The following ACCSL variants were observed in gnomAD, a reference collection of about 807,000 sequenced individuals.
The protein encoded by ACCSL is 1-aminocyclopropane-1-carboxylate synthase homolog (inactive) like.
ACCSL carries 55 observed loss-of-function variants against 61.7 expected under a neutral mutation model. That is an observed-to-expected ratio of 0.89 (90% confidence interval 0.72 to 1.12). The LOEUF is 1.12. Ranked by LOEUF, ACCSL falls within the 50% of genes most tolerant of loss-of-function variation. ACCSL has a pLI of 0.00. For missense variants in ACCSL, 632 were observed against 698.0 expected, an observed-to-expected ratio of 0.91 and a Z score of 1.07; for synonymous variants, 258 against 264.3, an observed-to-expected ratio of 0.98 and a Z score of 0.23.
the ACCSL span, among the ~76,000 whole-genome samples, chr11:43,940,649 C>G: frequency 6.6e-6 from 1 of 152,100 alleles, no homozygotes; most frequent in Non-Finnish European, 1.5e-5. Flanking sequence ...CGTGAGCCAC[C>G]GCACCCGGCT....
At chr11:43,996,465 G>A in the ACCSL span, among the ~76,000 whole-genome samples, 1 of 152,188 alleles carries the variant, frequency 6.6e-6, no homozygotes, top group Admixed American at 6.5e-5. Context: ...ATGGAGGAAA[G>A]TGGACAGACA....
chr11:44,055,102 G>T, intron 8 of ACCSL, 100 bp from the exon 9 acceptor site: 2 of 832,678 alleles, frequency 2.4e-6, no homozygotes, highest in Non-Finnish European at 3.8e-6. Context: ...CACCATAAAA[G>T]ACATGACTTA....
At position 44,058,577 on chromosome 11, in the gene ACCSL, G is replaced by T; in HGVS notation, c.1502G>T (p.Arg501Leu). The T allele has an allele frequency of 6.2e-7, 1 of 1,614,000 alleles. No individual in the cohort carries two copies. The highest frequency in any genetic ancestry group is 8.5e-7 in the Non-Finnish European group (1 of 1,179,976). Residue 501 changes from arginine (R) to leucine (L), a missense_variant, in exon 13 of 14, where the codon CGG becomes CTG. Transcript: ENST00000378832. Reference sequence around the variant, plus strand: ...GATCCCTGTACATTTGAAGAAGAACGGCTCCTCTATTGCCGCTTCCTGGAC... The same window carrying T: ...GATCCCTGTACATTTGAAGAAGAACTGCTCCTCTATTGCCGCTTCCTGGAC... ...YLDPCTFEEE[R>L]LLYCRFLDNK... is the part of the protein sequence containing the mutation.
chr11:43,975,670 A>G, the ACCSL span, among the ~76,000 whole-genome samples: 2 of 152,036 alleles, frequency 1.3e-5, no homozygotes, highest in South Asian at 2.1e-4. Context: ...AGATGATTAT[A>G]TCAGCAAAAA....
chr11:44,042,359 G>A, the ACCSL span, among the ~76,000 whole-genome samples: 684 of 152,266 alleles, frequency 4.5e-3, 4 homozygotes, highest in Non-Finnish European at 7.3e-3. Context: ...TCTCTTCTGG[G>A]ATTAGGACTA....
At chr11:43,978,791 T>G in the ACCSL span, among the ~76,000 whole-genome samples, 9 of 139,256 alleles carry the variant, frequency 6.5e-5, no homozygotes, top group South Asian at 1.1e-3. Context: ...GGGTTTTTTT[T>G]TTTTTTTTTT....
chr11:43,924,487 G>C, the ACCSL span, among the ~76,000 whole-genome samples: 1 of 152,242 alleles, frequency 6.6e-6, no homozygotes, highest in African/African-American at 2.4e-5. Context: ...GTTGTGAGGT[G>C]CTGCTCCCCG....
At chr11:43,961,399 C>T in the ACCSL span, among the ~76,000 whole-genome samples, 1 of 152,030 alleles carries the variant, frequency 6.6e-6, no homozygotes. Flanking sequence ...TTATATTTAC[C>T]AACCCTTCTT....
the ACCSL span, among the ~76,000 whole-genome samples, chr11:43,964,757 G>T: frequency 6.6e-6 from 1 of 152,102 alleles, no homozygotes; most frequent in Non-Finnish European, 1.5e-5. Flanking sequence ...TGACTGATGG[G>T]ATTTATTCCA....
chr11:44,037,438 G>C, the ACCSL span, among the ~76,000 whole-genome samples: 1 of 152,182 alleles, frequency 6.6e-6, no homozygotes, highest in Non-Finnish European at 1.5e-5. Context: ...CGCGGATGGC[G>C]CACTGGCTGC....
At chr11:43,988,100 T>C in the ACCSL span, among the ~76,000 whole-genome samples, 1 of 152,288 alleles carries the variant, frequency 6.6e-6, no homozygotes, top group South Asian at 2.1e-4. Context: ...CCCTTTCTTC[T>C]GTGAACTTGA....
chr11:43,957,064 T>G, the ACCSL span, among the ~76,000 whole-genome samples: 1 of 152,202 alleles, frequency 6.6e-6, no homozygotes, highest in East Asian at 1.9e-4. Flanking sequence ...ACAATCCATC[T>G]TGTAAACCAA....
the ACCSL span, among the ~76,000 whole-genome samples, chr11:44,039,484 TG>T: frequency 6.6e-6 from 1 of 151,548 alleles, no homozygotes; most frequent in African/African-American, 2.4e-5. Context: ...ATGACACAAT[TG>T]ATTTTGGGGA....
the ACCSL span, among the ~76,000 whole-genome samples, chr11:43,968,798 C>T: frequency 1.8e-4 from 27 of 152,094 alleles, 1 homozygote; most frequent in African/African-American, 6.3e-4. Flanking sequence ...CAATGGAGAC[C>T]GCTGGAGCTT....
the ACCSL span, among the ~76,000 whole-genome samples, chr11:43,981,610 A>G: frequency 6.6e-6 from 1 of 152,192 alleles, no homozygotes; most frequent in African/African-American, 2.4e-5. Context: ...CTGGCAGTCC[A>G]TGGGTGTTGG....
chr11:43,957,569 G>T, the ACCSL span, among the ~76,000 whole-genome samples: 2 of 152,126 alleles, frequency 1.3e-5, no homozygotes, highest in African/African-American at 4.8e-5. Flanking sequence ...AAGGGAAGGA[G>T]ATTCTCTATA....
the ACCSL span, among the ~76,000 whole-genome samples, chr11:43,923,934 C>A: frequency 6.6e-6 from 1 of 152,214 alleles, no homozygotes; most frequent in Non-Finnish European, 1.5e-5. Flanking sequence ...ATCACTCCCC[C>A]TCATAGGAGC....
the ACCSL span, among the ~76,000 whole-genome samples, chr11:44,013,466 G>A: frequency 6.6e-6 from 1 of 151,972 alleles, no homozygotes; most frequent in African/African-American, 2.4e-5. Flanking sequence ...TTTTAGTAGA[G>A]ATGGGGGGTG....
At chr11:43,943,146 A>C in the ACCSL span, 1 of 1,501,872 alleles carries the variant, frequency 6.7e-7, no homozygotes, top group Non-Finnish European at 8.9e-7. The surrounding 1 kb of genome is among the most constrained non-coding windows in gnomAD (Gnocchi z 4.8). Context: ...AAGGCCAAGA[A>C]GTCGTTCCTG....
Sources: gnomAD v4.1 joint callset for allele counts (sites outside exome capture counted in the v4.1 genomes callset) on GRCh38, gnomAD v4.1.1 for gene constraint, Gnocchi (gnomAD v3.1) non-coding constraint, MANE v1.5 for transcripts, NCBI Gene and HGNC (gene_info 2026-07-23, HGNC 2026-07-21) for gene names.